DLEC1: variants seen among roughly 807,000 people sequenced by gnomAD.
DLEC1 encodes DLEC1 cilia and flagella associated protein, also known as deleted in lung and esophageal cancer protein 1.
DLEC1 carries 146 observed loss-of-function variants against 198.1 expected under a neutral mutation model. That is an observed-to-expected ratio of 0.74 (90% confidence interval 0.64 to 0.85). DLEC1 has a LOEUF of 0.85. Among genes scored for constraint, DLEC1 ranks in the 40% least tolerant of loss-of-function variants. The pLI is 0.00. For synonymous variants in DLEC1, 897 were observed against 866.8 expected (o/e 1.03, Z -0.61); for missense variants, 2,233 against 2,220.0 (o/e 1.01, Z -0.12).
At position 38,097,747 on chromosome 3, in the gene DLEC1, C is replaced by T. The variant is rs750348528; in HGVS notation, c.2569C>T (p.Pro857Ser). The T allele has an allele frequency of 1.6e-5, 26 of 1,614,030 alleles. No homozygotes were observed. Among genetic ancestry groups the T allele is most frequent in the Non-Finnish European group, 1.5e-5 (18 of 1,180,022 alleles). Reference protein sequence around the residue: ...VLHIEAVFKGPALIINVSALQ... With the variant: ...VLHIEAVFKGSALIINVSALQ... ...ACAGGCCCTCTGGGTGTCTCAGGGG[C>T]CTGCCCTCATCATCAACGTCTCAGC... Residue 857 changes from proline to serine, a missense_variant, in exon 18 of 37, where the codon CCT (proline) becomes TCT (serine). By Grantham distance (74) the Pro-to-Ser change is moderately conservative (BLOSUM62 -1). Coordinates refer to ENST00000308059, the MANE Select transcript of DLEC1 (RefSeq NM_007335.4).
At chr3:38,109,641 G>T in intron 22 of DLEC1, 79 bp downstream of exon 22, 1 of 1,600,056 alleles carries the variant, frequency 6.2e-7, no homozygotes, top group Non-Finnish European at 8.5e-7. Flanking sequence ...GCACGGCACT[G>T]TGGTATCAGT....
At chr3:38,041,567 G>A (rs1475577903) in intron 1 of DLEC1, among the ~76,000 whole-genome samples, 4 of 152,020 alleles carry the variant, frequency 2.6e-5, no homozygotes, top group Non-Finnish European at 5.9e-5. Context: ...ACAACTATGC[G>A]GCCGGGCGTG....
chr3:38,057,804 C>G (rs1446637733), intron 2 of DLEC1, among the ~76,000 whole-genome samples: 1 of 149,036 alleles, frequency 6.7e-6, no homozygotes, highest in Admixed American at 6.8e-5. Context: ...CTTGGATACT[C>G]ACTGTATTAT....
chr3:38,040,595 T>A (rs1575370221), intron 1 of DLEC1, among the ~76,000 whole-genome samples: 1 of 152,272 alleles, frequency 6.6e-6, no homozygotes, highest in South Asian at 2.1e-4. Flanking sequence ...GATTCGTGGG[T>A]CACCACATTC....
At chr3:38,092,907 A>G (rs753276058) in intron 11 of DLEC1, 27 bp downstream of exon 11, 3 of 1,611,640 alleles carry the variant, frequency 1.9e-6, no homozygotes, top group Non-Finnish European at 2.5e-6. Flanking sequence ...TCCCAGGGGC[A>G]AGGCTGGAGA....
In DLEC1 at chr3:38,039,512, T is replaced by C. The variant is rs1228501345; in HGVS notation, c.287T>C (p.Leu96Pro). 3 of 1,614,040 alleles carry C rather than the reference T, an allele frequency of 1.9e-6. No individual in the cohort carries two copies. The highest frequency in any genetic ancestry group is 2.5e-6 in the Non-Finnish European group (3 of 1,179,916). Residue 96 changes from leucine (L) to proline (P), a missense_variant, in exon 1 of 37, where the codon CTC (leucine) becomes CCC (proline). Physicochemically the swap from Leu to Pro is moderately conservative, Grantham distance 98. Coordinates refer to ENST00000308059, the MANE Select transcript of DLEC1 (RefSeq NM_007335.4). ...SLRTQDISHL[L>P]TGVFRNLYSA... ...CGCACCCAAGATATCTCGCACTTGC[T>C]CACCGGCGTCTTCCGCAACTTGTAC...
chr3:38,084,042 C>T (rs1336289772), intron 6 of DLEC1, 116 bp from the exon 7 acceptor site: 6 of 959,938 alleles, frequency 6.3e-6, no homozygotes, highest in Admixed American at 2.1e-5. Flanking sequence ...AACATGTGGC[C>T]AAGCCTATTT....
Position 38,096,636 on chromosome 3 carries a change from G to T in DLEC1, c.2239G>T (p.Val747Leu), listed in dbSNP as rs1164371261. 1.2e-6 allele frequency: 2 copies of T among 1,613,022 alleles called. No individual in the cohort carries two copies. Among genetic ancestry groups the T allele is most frequent in the Admixed American group, 1.7e-5 (1 of 60,022 alleles). The change falls in exon 15 of 37, where the codon GTG becomes TTG. Residue 747 changes from valine (V) to leucine (L), a missense_variant. By Grantham distance (32) the Val-to-Leu change is conservative (BLOSUM62 1). Transcript: ENST00000308059. Reference protein sequence around the residue: ...VDDVIVLEIEVKGSVEPFQVL... With the variant: ...VDDVIVLEIELKGSVEPFQVL... ...TGATGTGATTGTCCTGGAAATCGAGGTGAAAGGCTCAGTAGAACCTTTCCA... is the reference window on the plus strand; with the variant it reads ...TGATGTGATTGTCCTGGAAATCGAGTTGAAAGGCTCAGTAGAACCTTTCCA...
At chr3:38,048,511 G>T (rs975501176) in intron 2 of DLEC1, among the ~76,000 whole-genome samples, 1 of 152,236 alleles carries the variant, frequency 6.6e-6, no homozygotes, top group African/African-American at 2.4e-5. Context: ...CTTTGCATAG[G>T]TTATCCCACT....
chr3:38,045,428 C>T (rs61672339), intron 1 of DLEC1, 115 bp from the exon 2 acceptor site: 76,055 of 1,338,936 alleles, frequency 0.057, 2,358 homozygotes, highest in Middle Eastern at 0.14. Flanking sequence ...TGGAATAGTT[C>T]TCTGACTATT....
In DLEC1 at chr3:38,123,494, GAAAATCACAATCCTAA is replaced by G; in HGVS notation, c.*1085_*1100del. On this transcript the variant is annotated 3_prime_UTR_variant, in exon 37 of 37. Coordinates refer to ENST00000308059, the MANE Select transcript of DLEC1 (RefSeq NM_007335.4). ...CAAAATCCCTAAAGTCTAAAATCCT[GAAAATCACAATCCTAA>G]AAGATCAAAATCCTGAAAATATAAT... is the stretch of plus-strand genomic sequence containing the variant. 1 of 179,072 alleles carries G rather than the reference GAAAATCACAATCCTAA, an allele frequency of 5.6e-6. No homozygotes were observed. Among genetic ancestry groups the G allele is most frequent in the Non-Finnish European group, 1.2e-5 (1 of 85,634 alleles). 11.1% of individuals were successfully genotyped at this position (179,072 alleles called of 1,614,324 possible). A position where few individuals can be genotyped will look rare whatever the true frequency, so the allele number is the denominator to read the frequency against.
Position 38,097,190 on chromosome 3 carries a change from C to A in DLEC1, c.2349C>A (p.Asn783Lys), listed in dbSNP as rs773997005. 4.3e-5 allele frequency: 67 copies of A among 1,573,596 alleles called. No individual in the cohort carries two copies. The highest frequency in any genetic ancestry group is 5.1e-5 in the Non-Finnish European group (59 of 1,158,136). The change falls in exon 16 of 37, where the codon AAC becomes AAA. Residue 783 changes from asparagine to lysine, a missense_variant. Asn to Lys is a moderately conservative substitution (Grantham distance 94). Transcript: ENST00000308059. ...INVKKAFKMW[N>K]NSKSPIRYLW... ...TCTCGGGTGTCTTTCAGATGTGGAA[C>A]AACAGCAAGTCACCCATCAGATACC...
intron 2 of DLEC1, among the ~76,000 whole-genome samples, chr3:38,048,504 T>C (rs1259925951): frequency 2.0e-5 from 3 of 152,252 alleles, no homozygotes; most frequent in Admixed American, 6.5e-5. Flanking sequence ...TAATATGCTT[T>C]GCATAGGTTA....
rs1699630512 is a variant in DLEC1 at position 38,107,571 on chromosome 3, C to T, written c.2865-13C>T. The T allele has an allele frequency of 1.3e-6, 2 of 1,585,390 alleles. No homozygotes were observed. The highest frequency in any genetic ancestry group is 1.7e-6 in the Non-Finnish European group (2 of 1,163,366). On this transcript the variant is annotated splice_polypyrimidine_tract_variant and intron_variant, in intron 19 of 36. Transcript: ENST00000308059. ...TTTCTAATCAGTATGCCTTTTGTTT[C>T]CTCGTGTTCCAGCTACCTTCCTGTG...
At chr3:38,096,373 G>A (rs1447978838) in intron 14 of DLEC1, among the ~76,000 whole-genome samples, 196 bp from the exon 15 acceptor site, 14 of 152,222 alleles carry the variant, frequency 9.2e-5, no homozygotes, top group Non-Finnish European at 5.9e-5. Flanking sequence ...CAGTCCTTAT[G>A]CTAAACCACT....
At chr3:38,083,518 C>T (rs1156689929) in intron 6 of DLEC1, among the ~76,000 whole-genome samples, 1 of 150,892 alleles carries the variant, frequency 6.6e-6, no homozygotes, top group African/African-American at 2.4e-5. Flanking sequence ...AAGGCAAGGA[C>T]CAGCCATTTA....
chr3:38,042,294 G>A (rs939229784), intron 1 of DLEC1, among the ~76,000 whole-genome samples: 19 of 151,948 alleles, frequency 1.3e-4, no homozygotes, highest in African/African-American at 4.1e-4. Context: ...CGCCTGGCCC[G>A]CCATTTATTA....
At chr3:38,083,938 A>AT (rs1260819275) in intron 6 of DLEC1, among the ~76,000 whole-genome samples, 1 of 151,706 alleles carries the variant, frequency 6.6e-6, no homozygotes. Flanking sequence ...CCTGTATTTT[A>AT]TTTTTTACTA....
intron 2 of DLEC1, among the ~76,000 whole-genome samples, chr3:38,057,886 G>A (rs1051470075): frequency 6.7e-6 from 1 of 149,936 alleles, no homozygotes; most frequent in Non-Finnish European, 1.5e-5. Context: ...GCGCAATCTC[G>A]GCTCACTGCA....
Sources: allele counts gnomAD v4.1 joint callset (sites outside exome capture counted in the v4.1 genomes callset), GRCh38; gene constraint gnomAD v4.1.1; transcripts MANE v1.5; gene names NCBI Gene and HGNC (gene_info 2026-07-23, HGNC 2026-07-21).